Variants in APBB2 observed in about 807,000 individuals in gnomAD.
APBB2 encodes Fe65-like 1.
In APBB2, 38 loss-of-function variants were observed where a neutral mutation model predicts 82.5. The observed-to-expected ratio is 0.46, with a 90% confidence interval of 0.36 to 0.60. The LOEUF (loss-of-function observed/expected upper bound fraction) is 0.60, where lower values mean the gene tolerates loss of function less well. Among genes scored for constraint, APBB2 ranks in the 20% least tolerant of loss-of-function variants. The pLI, the probability that APBB2 is intolerant of heterozygous loss-of-function variation, is 0.00. For missense variants in APBB2, 772 were observed against 972.3 expected (o/e 0.79, Z 2.74); for synonymous variants, 341 against 368.2 (o/e 0.93, Z 0.85).
At chr4:41,007,435 T>C (rs4861357) in intron 6 of APBB2, among the ~76,000 whole-genome samples, 13,545 of 152,200 alleles carry the variant, frequency 0.089, 747 homozygotes, top group Admixed American at 0.15. Context: ...AAACAATCTA[T>C]GACAACCATG....
At chr4:40,852,276 G>A (rs7667767) in intron 12 of APBB2, among the ~76,000 whole-genome samples, 28,190 of 150,480 alleles carry the variant, frequency 0.19, 2,771 homozygotes, top group South Asian at 0.23. Flanking sequence ...GCTTGAACCC[G>A]GGAGGCGAAG....
intron 10 of APBB2, among the ~76,000 whole-genome samples, chr4:40,926,107 T>C (rs1782552041): frequency 6.6e-6 from 1 of 152,240 alleles, no homozygotes; most frequent in African/African-American, 2.4e-5. Flanking sequence ...AGATACTGCA[T>C]AGAAAGACTA....
chr4:40,877,768 C>T (rs975322461), intron 12 of APBB2, among the ~76,000 whole-genome samples: 1 of 152,154 alleles, frequency 6.6e-6, no homozygotes, highest in Non-Finnish European at 1.5e-5. Flanking sequence ...CTCAGGAGCT[C>T]TCCTTTAGGG....
chr4:40,880,977 T>C (rs547991311), intron 12 of APBB2: 2 of 985,304 alleles, frequency 2.0e-6, no homozygotes, highest in Non-Finnish European at 2.4e-6. Context: ...GCCCTCCCAC[T>C]TTCCTCTAAG....
At chr4:40,965,508 T>C (rs1794459615) in intron 6 of APBB2, among the ~76,000 whole-genome samples, 1 of 152,052 alleles carries the variant, frequency 6.6e-6, no homozygotes, top group Non-Finnish European at 1.5e-5. Context: ...CTAGTCCAAA[T>C]TGAGATGTGC....
intron 8 of APBB2, 101 bp from the exon 9 acceptor site, chr4:40,934,800 A>T (rs1374777114): frequency 1.2e-6 from 1 of 855,578 alleles, no homozygotes; most frequent in African/African-American, 1.7e-5. Flanking sequence ...AGAGGCAGAG[A>T]GTGTACGTGA....
intron 5 of APBB2, among the ~76,000 whole-genome samples, chr4:41,025,340 A>C (rs1713550803): frequency 6.6e-6 from 1 of 152,152 alleles, no homozygotes; most frequent in Non-Finnish European, 1.5e-5. Context: ...GGCTATTACT[A>C]AAAAGTCAAA....
In APBB2 at chr4:41,159,914, AGGAGGAGGAGGAGG is replaced by A. The variant is rs1560912300; in HGVS notation, c.-416-16786_-416-16773del. On this transcript the variant is annotated intron_variant, in intron 1 of 17. Transcript: ENST00000508593. ...AAAAGGAAGAAGAAGGAGAAGGAGG[AGGAGGAGGAGGAGG>A]AGGAGGAGGAGGAGGAGAAGGAGAA... Among the ~76,000 whole-genome samples, 46 of 18,370 alleles carry A rather than the reference AGGAGGAGGAGGAGG, an allele frequency of 2.5e-3. 5 individuals carry two copies. The highest frequency in any genetic ancestry group is 8.7e-3 in the South Asian group (2 of 230). 12.1% of individuals were successfully genotyped at this position (18,370 alleles called of 152,430 possible). A position where few individuals can be genotyped will look rare whatever the true frequency, so the allele number is the denominator to read the frequency against.
intron 2 of APBB2, among the ~76,000 whole-genome samples, chr4:41,128,270 G>C (rs532757108): frequency 1.3e-5 from 2 of 152,144 alleles, no homozygotes; most frequent in Admixed American, 1.3e-4. Flanking sequence ...AAAAACAACA[G>C]ATGCTGGTGA....
intron 5 of APBB2, among the ~76,000 whole-genome samples, chr4:41,031,595 C>G (rs866092247): frequency 1.3e-5 from 2 of 152,158 alleles, no homozygotes; most frequent in African/African-American, 4.8e-5. Context: ...AAAACATCAG[C>G]ATAACAAAAT....
rs999487014 is a variant in APBB2 at position 40,825,061 on chromosome 4, C to G, written c.1816+826G>C. Among the ~76,000 whole-genome samples, 3 of 152,202 alleles carry G rather than the reference C, an allele frequency of 2.0e-5. No individual in the cohort carries two copies. In the East Asian group the frequency reaches 5.8e-4, roughly 29 times the overall value. On this transcript the variant is annotated intron_variant, in intron 15 of 17. Coordinates refer to ENST00000508593, the MANE Select transcript of APBB2 (RefSeq NM_004307.2). ...TCAGTCCTTCATTCCTTTTTATTGC[C>G]AAATAAAATTCCACTGTATGGAAGT...
At chr4:40,839,273 A>T (rs1755035198) in intron 12 of APBB2, among the ~76,000 whole-genome samples, 1 of 151,660 alleles carries the variant, frequency 6.6e-6, no homozygotes, top group Non-Finnish European at 1.5e-5. Flanking sequence ...TGATGAACGC[A>T]ACCTTGCCTC....
At chr4:40,923,360 G>C (rs922206580) in intron 10 of APBB2, among the ~76,000 whole-genome samples, 1 of 152,214 alleles carries the variant, frequency 6.6e-6, no homozygotes, top group Non-Finnish European at 1.5e-5. Flanking sequence ...TAAGCTCTCA[G>C]GCAGCAAGCC....
intron 12 of APBB2, among the ~76,000 whole-genome samples, chr4:40,871,440 C>G (rs1052677636): frequency 1.6e-4 from 24 of 152,358 alleles, no homozygotes; most frequent in African/African-American, 5.8e-4. Flanking sequence ...CCACCGCACC[C>G]GGCCTCAACT....
At chr4:41,008,819 A>T (rs1357358549) in intron 6 of APBB2, among the ~76,000 whole-genome samples, 3 of 152,256 alleles carry the variant, frequency 2.0e-5, no homozygotes, top group African/African-American at 7.2e-5. Flanking sequence ...ATTTGAACTC[A>T]GGAAGCTCAC....
chr4:41,052,279 T>A (rs1160186839), intron 4 of APBB2, among the ~76,000 whole-genome samples: 1 of 151,950 alleles, frequency 6.6e-6, no homozygotes, highest in African/African-American at 2.4e-5. Flanking sequence ...TAGGCTCTTA[T>A]GACCCTCTAT....
At chr4:40,843,251 A>T (rs930132591) in intron 12 of APBB2, among the ~76,000 whole-genome samples, 22 of 152,298 alleles carry the variant, frequency 1.4e-4, no homozygotes, top group African/African-American at 5.1e-4. Context: ...TCTCTCGGGC[A>T]CTCTATGGCC....
chr4:41,072,411 C>T (rs577157327), intron 3 of APBB2, among the ~76,000 whole-genome samples: 40 of 152,200 alleles, frequency 2.6e-4, no homozygotes, highest in Non-Finnish European at 5.9e-4. Flanking sequence ...ATCTCCTCTC[C>T]TTTGTCCTAA....
intron 10 of APBB2, among the ~76,000 whole-genome samples, chr4:40,913,401 C>A (rs1014514310): frequency 6.6e-6 from 1 of 152,230 alleles, no homozygotes; most frequent in Non-Finnish European, 1.5e-5. Flanking sequence ...GTTTGGTACT[C>A]TCTACCCTAA....
Sources: gnomAD v4.1 joint callset for allele counts (sites outside exome capture counted in the v4.1 genomes callset) on GRCh38, gnomAD v4.1.1 for gene constraint, MANE v1.5 for transcripts, NCBI Gene and HGNC (gene_info 2026-07-23, HGNC 2026-07-21) for gene names.